Variants in QTRT2 observed in about 807,000 individuals in gnomAD.
The protein encoded by QTRT2 is queuine tRNA-ribosyltransferase domain containing 1.
A neutral mutation model predicts 44.8 loss-of-function variants in QTRT2; 32 were observed. The observed-to-expected ratio is 0.71, with a 90% CI of 0.54 to 0.96. The LOEUF is 0.96. Ranked by LOEUF, QTRT2 falls within the 40% of genes least tolerant of loss-of-function variation. The pLI, the probability that QTRT2 is intolerant of heterozygous loss-of-function variation, is 0.00. For synonymous variants in QTRT2, 182 were observed against 187.4 expected (o/e 0.97, Z 0.24); for missense variants, 461 against 503.1 (o/e 0.92, Z 0.80).
At chr3:114,068,167 A>G in intron 5 of QTRT2, 104 bp downstream of exon 5, 1 of 910,748 alleles carries the variant, frequency 1.1e-6, no homozygotes, top group Non-Finnish European at 1.8e-6. Flanking sequence ...ATGATCCCTT[A>G]TACCTTTTCC....
Position 114,066,302 on chromosome 3 carries a change from A to T in QTRT2, c.256+19A>T. 6.8e-7 allele frequency: 1 copy of T among 1,471,698 alleles called. No homozygotes were observed. Among genetic ancestry groups the T allele is most frequent in the South Asian group, 1.1e-5 (1 of 88,156 alleles). 91.2% of individuals were successfully genotyped at this position (1,471,698 alleles called of 1,614,324 possible). A position where few individuals can be genotyped will look rare whatever the true frequency, so the allele number is the denominator to read the frequency against. On this transcript the variant is annotated intron_variant, in intron 4 of 9. Coordinates refer to ENST00000281273, the MANE Select transcript of QTRT2 (RefSeq NM_024638.4). ...TTTATAGGTAAAAATTAAGTTACTT[A>T]TATGTGCCTTGTGATGTGTTAATTT... is the stretch of plus-strand genomic sequence containing the variant.
intron 6 of QTRT2, among the ~76,000 whole-genome samples, chr3:114,075,670 G>A (rs889134979): frequency 1.1e-4 from 16 of 151,530 alleles, no homozygotes; most frequent in Non-Finnish European, 1.3e-4. Flanking sequence ...TGCCACACCC[G>A]GCTGATTTTT....
intron 6 of QTRT2, among the ~76,000 whole-genome samples, chr3:114,074,285 G>T (rs1406176392): frequency 6.6e-6 from 1 of 152,130 alleles, no homozygotes; most frequent in Non-Finnish European, 1.5e-5. Context: ...TAATCATCTT[G>T]CTTCATCCAC....
chr3:114,069,453 T>C (rs2107793023), intron 5 of QTRT2, among the ~76,000 whole-genome samples: 1 of 152,310 alleles, frequency 6.6e-6, no homozygotes, highest in East Asian at 1.9e-4. Flanking sequence ...TGTCCATGTG[T>C]TCTCATCATT....
chr3:114,071,773 C>T (rs541955594), intron 6 of QTRT2, among the ~76,000 whole-genome samples: 2 of 152,330 alleles, frequency 1.3e-5, no homozygotes, highest in South Asian at 4.1e-4. Context: ...ATTCTTCTCT[C>T]TGCCTCCATT....
intron 2 of QTRT2, among the ~76,000 whole-genome samples, chr3:114,062,786 A>G (rs2076904935): frequency 6.6e-6 from 1 of 152,230 alleles, no homozygotes; most frequent in Admixed American, 6.5e-5. Flanking sequence ...TAATAAAAGT[A>G]ACATTCTAGA....
At chr3:114,084,641 A>G (rs956971861) in intron 9 of QTRT2, among the ~76,000 whole-genome samples, 2 of 152,194 alleles carry the variant, frequency 1.3e-5, no homozygotes, top group Non-Finnish European at 2.9e-5. Flanking sequence ...TGTGCCCAGC[A>G]GTGTTCAAGT....
chr3:114,070,906 C>A lies in QTRT2; in HGVS notation c.546+68C>A, dbSNP rs2077016748. 7 of 1,245,036 alleles carry A rather than the reference C, an allele frequency of 5.6e-6. No homozygotes were observed. In the East Asian group the frequency reaches 1.4e-4, roughly 25 times the overall value. 77.1% of individuals were successfully genotyped at this position (1,245,036 alleles called of 1,614,324 possible). On this transcript the variant is annotated intron_variant, in intron 6 of 9. Transcript: ENST00000281273. ...GCCTCCCTTACATTCTGTGATACCA[C>A]CTTTTCTGTTCTTCCTCCTACTGCT...
chr3:114,070,775 A>G lies in QTRT2; in HGVS notation c.483A>G (p.Arg161=), dbSNP rs1158562177. 6.2e-7 allele frequency: 1 copy of G among 1,613,970 alleles called. No individual in the cohort carries two copies. Among genetic ancestry groups the G allele is most frequent in the Non-Finnish European group, 8.5e-7 (1 of 1,179,982 alleles). The change falls in exon 6 of 10, where the codon AGA becomes AGG. Residue 161 remains arginine (R), a synonymous_variant. Coordinates refer to ENST00000281273, the MANE Select transcript of QTRT2 (RefSeq NM_024638.4). ...CKEATSIKRV[R]KSVDRSLLFL... ...AAGCAACTTCCATAAAAAGGGTCAGAAAGTCTGTTGACCGATCACTTCTTT... is the reference window on the plus strand; with the variant it reads ...AAGCAACTTCCATAAAAAGGGTCAGGAAGTCTGTTGACCGATCACTTCTTT...
Position 114,080,512 on chromosome 3 carries a change from C to T in QTRT2, c.898+455C>T, listed in dbSNP as rs1343087143. The stretch of plus-strand genomic sequence containing the variant: ...TGCATTTTTTTTTTAATACACCAGG[C>T]TTTGAAAGCTATTTTCCTTTGCTAA... On this transcript the variant is annotated intron_variant, in intron 8 of 9. Transcript: ENST00000281273. 2.0e-5 allele frequency among the ~76,000 whole-genome samples: 3 copies of T among 152,060 alleles called. No individual in the cohort carries two copies. In the East Asian group the frequency reaches 5.8e-4, roughly 29 times the overall value.
Position 114,085,820 on chromosome 3 carries a change from T to A in QTRT2, c.1164T>A (p.Phe388Leu). 1 of 1,614,116 alleles carries A rather than the reference T, an allele frequency of 6.2e-7. No individual in the cohort carries two copies. Among genetic ancestry groups the A allele is most frequent in the Non-Finnish European group, 8.5e-7 (1 of 1,180,016 alleles). The change falls in exon 10 of 10, where the codon TTT becomes TTA. Residue 388 changes from phenylalanine to leucine, a missense_variant. Transcript: ENST00000281273. ...TGATGCACAACTTTGAACACTACTT[T>A]GGGTTTTTCCATTACATCCGGGAAG... ...LLMMHNFEHY[F>L]GFFHYIREAL...
At chr3:114,072,481 A>G (rs892591655) in intron 6 of QTRT2, among the ~76,000 whole-genome samples, 2 of 152,006 alleles carry the variant, frequency 1.3e-5, no homozygotes, top group Non-Finnish European at 2.9e-5. Flanking sequence ...ATTCTTTGCT[A>G]CCCCTTTAAT....
intron 8 of QTRT2, 74 bp from the exon 9 acceptor site, chr3:114,082,603 C>A: frequency 3.5e-6 from 2 of 574,774 alleles, no homozygotes; most frequent in Non-Finnish European, 6.2e-6. Flanking sequence ...GAAATAATAA[C>A]TAAAATAAAA....
intron 3 of QTRT2, 70 bp from the exon 4 acceptor site, chr3:114,066,158 G>C (rs1227927790): frequency 1.0e-5 from 11 of 1,091,662 alleles, no homozygotes; most frequent in Admixed American, 1.8e-5. Flanking sequence ...GGAGAAGAGG[G>C]CTCCAGTTGT....
At chr3:114,072,948 A>G (rs1466296280) in intron 6 of QTRT2, among the ~76,000 whole-genome samples, 1 of 152,174 alleles carries the variant, frequency 6.6e-6, no homozygotes, top group African/African-American at 2.4e-5. Flanking sequence ...AATATTTGAG[A>G]TCATGTATGT....
At chr3:114,069,230 TTTTTTTTTCCCTTTTTTTAAC>T (rs2076993180) in intron 5 of QTRT2, among the ~76,000 whole-genome samples, 1 of 151,486 alleles carries the variant, frequency 6.6e-6, no homozygotes, top group Non-Finnish European at 1.5e-5. Flanking sequence ...AAAGATAGAA[TTTTTTTTTCCCTTTTTTTAAC>T]TTTTATTTTT....
intron 6 of QTRT2, 69 bp downstream of exon 6, chr3:114,070,907 C>G: frequency 8.4e-7 from 1 of 1,188,690 alleles, no homozygotes; most frequent in Non-Finnish European, 1.2e-6. Flanking sequence ...GTGATACCAC[C>G]TTTTCTGTTC....
Position 114,079,926 on chromosome 3 carries a change from G to A in QTRT2, c.767G>A (p.Arg256Gln), listed in dbSNP as rs199551955. 29 of 1,613,116 alleles carry A rather than the reference G, an allele frequency of 1.8e-5. No homozygotes were observed. Among genetic ancestry groups the A allele is most frequent in the East Asian group, 6.7e-5 (3 of 44,822 alleles). The part of the protein sequence containing the change: ...DKPRLISGVS[R>Q]PDEVLECIER... ...TACAGGCTCATATCTGGTGTTAGTCGGCCAGATGAGGTGCTCGAGTGTATT... is the reference window on the plus strand; with the variant it reads ...TACAGGCTCATATCTGGTGTTAGTCAGCCAGATGAGGTGCTCGAGTGTATT... The change falls in exon 8 of 10, where the codon CGG becomes CAG. Residue 256 changes from arginine to glutamine, a missense_variant. Transcript: ENST00000281273.
intron 2 of QTRT2, among the ~76,000 whole-genome samples, chr3:114,058,834 G>A (rs922783659): frequency 3.3e-5 from 5 of 152,166 alleles, no homozygotes; most frequent in East Asian, 1.9e-4. Context: ...CCCGGCCAGC[G>A]TTCTTCATTT....
Sources: allele counts gnomAD v4.1 joint callset (sites outside exome capture counted in the v4.1 genomes callset), GRCh38; gene constraint gnomAD v4.1.1; transcripts MANE v1.5; gene names NCBI Gene and HGNC (gene_info 2026-07-23, HGNC 2026-07-21).